KIF16B: variants seen among roughly 807,000 people sequenced by gnomAD.
The protein encoded by KIF16B is kinesin-like protein KIF16B.
KIF16B carries 98 observed loss-of-function variants against 156.3 expected under a neutral mutation model. The ratio of observed to expected loss-of-function variants is 0.63; its 90% CI spans 0.53 to 0.74. The LOEUF (loss-of-function observed/expected upper bound fraction) is 0.74, where lower values mean the gene tolerates loss of function less well. KIF16B is among the 30% of genes least tolerant of loss of function. KIF16B has a pLI of 0.00. For synonymous variants in KIF16B, 564 were observed against 583.7 expected (o/e 0.97, Z 0.49); for missense variants, 1,421 against 1,606.5 (o/e 0.88, Z 1.97).
intron 17 of KIF16B, among the ~76,000 whole-genome samples, chr20:16,400,612 G>A (rs2065629626): frequency 6.6e-6 from 1 of 152,170 alleles, no homozygotes; most frequent in Admixed American, 6.5e-5. Context: ...AACAATCAAA[G>A]AGTCCATCAA....
chr20:16,393,058 TTAAA>T (rs1568928952), intron 17 of KIF16B, among the ~76,000 whole-genome samples: 1 of 152,160 alleles, frequency 6.6e-6, no homozygotes, highest in African/African-American at 2.4e-5. Flanking sequence ...AAGCACACAA[TTAAA>T]TGTTTAAAAA....
chr20:16,349,234 G>A (rs1372761638), intron 23 of KIF16B, among the ~76,000 whole-genome samples: 1 of 152,232 alleles, frequency 6.6e-6, no homozygotes, highest in Admixed American at 6.5e-5. Flanking sequence ...TTGTGACCAG[G>A]GGTCAGATAG....
rs2063377937 is a variant in KIF16B at position 16,295,819 on chromosome 20, TC to T, written c.3795+16515del. ...GAAATGAGCAGCTACAGCTGAATAA[TC>T]AATACACCATCGGTGAAAAGTAATG... On this transcript the variant is annotated intron_variant, in intron 25 of 25. Coordinates refer to ENST00000354981, the MANE Select transcript of KIF16B (RefSeq NM_024704.5). Among the ~76,000 whole-genome samples, 3 of 152,282 alleles carry T rather than the reference TC, an allele frequency of 2.0e-5. No individual in the cohort carries two copies. The South Asian group carries it at 6.2e-4, about 32-fold the overall frequency.
Position 16,379,473 on chromosome 20 carries a change from C to T in KIF16B, c.2529G>A (p.Leu843=). The change falls in exon 19 of 26, where the codon CTG becomes CTA. Residue 843 remains leucine (L), a synonymous_variant. Coordinates refer to ENST00000354981, the MANE Select transcript of KIF16B (RefSeq NM_024704.5). ...LVKLVNLEKD[L]VQQKDILKKE... The stretch of plus-strand genomic sequence containing the variant: ...TTTTCAGGATGTCTTTCTGCTGAAC[C>T]AGGTCCTTCTCCAAGTTCACTAGCT... 1 of 1,614,074 alleles carries T rather than the reference C, an allele frequency of 6.2e-7. No homozygotes were observed. The highest frequency in any genetic ancestry group is 8.5e-7 in the Non-Finnish European group (1 of 1,180,014).
At chr20:16,553,728 T>C (rs1418824856) in intron 1 of KIF16B, among the ~76,000 whole-genome samples, 1 of 152,222 alleles carries the variant, frequency 6.6e-6, no homozygotes, top group Non-Finnish European at 1.5e-5. Flanking sequence ...TCCACATTCA[T>C]AGCAACAGTG....
intron 15 of KIF16B, among the ~76,000 whole-genome samples, chr20:16,423,401 G>C (rs1156818024): frequency 6.6e-6 from 1 of 152,076 alleles, no homozygotes. Flanking sequence ...TACTACAAGA[G>C]TGACACAATA....
intron 17 of KIF16B, among the ~76,000 whole-genome samples, chr20:16,384,496 G>C (rs960459951): frequency 1.3e-5 from 2 of 152,166 alleles, no homozygotes; most frequent in African/African-American, 4.8e-5. Flanking sequence ...AAGCTCAAGA[G>C]GACAACAGAA....
chr20:16,480,915 G>A (rs1018038099), intron 12 of KIF16B, among the ~76,000 whole-genome samples: 1 of 152,146 alleles, frequency 6.6e-6, no homozygotes, highest in African/African-American at 2.4e-5. Context: ...ATGCTTGTAT[G>A]AGTGTACAAC....
chr20:16,313,180 CAAT>C, intron 24 of KIF16B, among the ~76,000 whole-genome samples: 1 of 152,186 alleles, frequency 6.6e-6, no homozygotes, highest in Non-Finnish European at 1.5e-5. Context: ...TGCTAAGTAG[CAAT>C]AATTGCTGCA....
chr20:16,503,603 T>C (rs2068686333), intron 10 of KIF16B, among the ~76,000 whole-genome samples: 1 of 152,206 alleles, frequency 6.6e-6, no homozygotes, highest in Admixed American at 6.5e-5. Context: ...AAGACATCCA[T>C]TCATGAGTTA....
intron 3 of KIF16B, 22 bp from the exon 4 acceptor site, chr20:16,515,686 C>A (rs1443772346): frequency 1.6e-6 from 2 of 1,265,998 alleles, no homozygotes; most frequent in South Asian, 2.4e-5. Context: ...AAAGAACACA[C>A]AAAAGATACA....
At chr20:16,416,725 TA>T (rs61071475) in intron 15 of KIF16B, among the ~76,000 whole-genome samples, 7,683 of 144,730 alleles carry the variant, frequency 0.053, 232 homozygotes, top group African/African-American at 0.093. Flanking sequence ...CCCAGAACTT[TA>T]AAAAAAAAAA....
At chr20:16,326,701 G>C (rs905247092) in intron 24 of KIF16B, among the ~76,000 whole-genome samples, 2 of 151,814 alleles carry the variant, frequency 1.3e-5, no homozygotes, top group Non-Finnish European at 2.9e-5. Flanking sequence ...TGGTAAAAAG[G>C]GAACACTTTT....
intron 23 of KIF16B, among the ~76,000 whole-genome samples, chr20:16,342,558 T>C (rs1425094172): frequency 6.6e-6 from 1 of 152,194 alleles, no homozygotes; most frequent in Non-Finnish European, 1.5e-5. Flanking sequence ...TCAAAGATTA[T>C]TGAATTAGTT....
chr20:16,383,609 G>A (rs1294091913), intron 17 of KIF16B, among the ~76,000 whole-genome samples: 1 of 152,138 alleles, frequency 6.6e-6, no homozygotes, highest in Non-Finnish European at 1.5e-5. Flanking sequence ...ATTAAAATAT[G>A]ATCATTTCTT....
chr20:16,366,907 T>A, intron 22 of KIF16B: 1 of 1,212,502 alleles, frequency 8.2e-7, no homozygotes, highest in Non-Finnish European at 1.0e-6. Flanking sequence ...CAAGCCTGAG[T>A]TTCAAGAAAA....
chr20:16,404,022 A>C (rs1391970219), intron 17 of KIF16B, among the ~76,000 whole-genome samples: 1 of 152,206 alleles, frequency 6.6e-6, no homozygotes, highest in African/African-American at 2.4e-5. Flanking sequence ...TAAAATGGGA[A>C]TAGGTTTGTG....
At chr20:16,504,592 T>C in intron 9 of KIF16B, 45 bp from the exon 10 acceptor site, 2 of 1,551,748 alleles carry the variant, frequency 1.3e-6, no homozygotes, top group Admixed American at 1.7e-5. Flanking sequence ...GCACTCCATG[T>C]TCCATTTAAC....
chr20:16,343,503 C>T (rs2064177526), intron 23 of KIF16B, among the ~76,000 whole-genome samples: 1 of 152,054 alleles, frequency 6.6e-6, no homozygotes, highest in Admixed American at 6.6e-5. Flanking sequence ...GCGGGAGCTA[C>T]CTCAAGCATA....
Sources: allele counts gnomAD v4.1 joint callset (sites outside exome capture counted in the v4.1 genomes callset), GRCh38; gene constraint gnomAD v4.1.1; transcripts MANE v1.5; gene names NCBI Gene and HGNC (gene_info 2026-07-23, HGNC 2026-07-21).